The following MAP4K4 variants were observed in gnomAD, a reference collection of about 807,000 sequenced individuals.
The protein encoded by MAP4K4 is HPK/GCK-like kinase HGK.
MAP4K4 carries 38 observed loss-of-function variants against 189.6 expected under a neutral mutation model. That is an observed-to-expected ratio of 0.20 (90% confidence interval 0.15 to 0.26). The LOEUF is 0.26. Ranked by LOEUF, MAP4K4 falls within the 10% of genes least tolerant of loss-of-function variation. The pLI is 1.00. For missense variants in MAP4K4, 1,054 were observed against 1,726.9 expected, an observed-to-expected ratio of 0.61 and a Z score of 6.91; for synonymous variants, 610 against 624.3, an observed-to-expected ratio of 0.98 and a Z score of 0.34.
chr2:101,816,774 T>C (rs2095750529), intron 3 of MAP4K4, among the ~76,000 whole-genome samples: 2 of 152,130 alleles, frequency 1.3e-5, no homozygotes, highest in Admixed American at 1.3e-4. Context: ...ACTGACCCAG[T>C]TGAAGGCAGT....
At chr2:101,861,741 A>C (rs564907327) in intron 16 of MAP4K4, 1 of 152,222 alleles carries the variant, frequency 6.6e-6, no homozygotes, top group Non-Finnish European at 1.5e-5. Flanking sequence ...AGAGATCCTT[A>C]AAATGCCGAT....
At chr2:101,735,607 G>T (rs144161742) in intron 2 of MAP4K4, among the ~76,000 whole-genome samples, 331 of 152,266 alleles carry the variant, frequency 2.2e-3, no homozygotes, top group African/African-American at 7.6e-3. Context: ...GTGGGCTGGG[G>T]CCTGCCCATG....
intron 5 of MAP4K4, among the ~76,000 whole-genome samples, chr2:101,829,157 G>T (rs2096500535): frequency 1.3e-5 from 2 of 152,134 alleles, no homozygotes; most frequent in Non-Finnish European, 1.5e-5. Flanking sequence ...TCACCCTCTA[G>T]ACATTTAGCG....
chr2:101,820,252 A>G (rs80195150), intron 3 of MAP4K4, among the ~76,000 whole-genome samples: 9,091 of 152,256 alleles, frequency 0.06, 322 homozygotes, highest in African/African-American at 0.094. Context: ...AGTGAAAGCT[A>G]CTGGCAGAGT....
intron 2 of MAP4K4, among the ~76,000 whole-genome samples, chr2:101,731,929 C>T (rs1435284856): frequency 1.3e-5 from 2 of 152,004 alleles, no homozygotes; most frequent in East Asian, 3.8e-4. Context: ...TTTCTCTTTT[C>T]AGAAATAACT....
rs2149086915 is a variant in MAP4K4 at position 101,698,272 on chromosome 2, T to G, written c.57+135T>G. ...GGGCGCGGCGGCCCCTTTGTCTTCC[T>G]GTGCGGGCTGGTGCGGGGCGGGCGC... On this transcript the variant is annotated intron_variant, in intron 1 of 32. Coordinates refer to ENST00000324219, the Ensembl canonical transcript of MAP4K4. 9.2e-6 allele frequency: 4 copies of G among 435,356 alleles called. No homozygotes were observed. In the South Asian group the frequency reaches 2.1e-4, roughly 22 times the overall value. The allele number at this position is 435,356 out of a possible 1,614,324, so 27.0% of individuals were successfully genotyped here.
At position 101,888,938 on chromosome 2, in the gene MAP4K4, A is replaced by G; in HGVS notation, c.4071+3A>G. On this transcript the variant is annotated splice_donor_region_variant and intron_variant, in intron 32 of 32. Transcript: ENST00000324219. ...TCTTGTGTGAACGCAATGACAAGGT[A>G]ATAGTTCCCTTATGGATTCTTTTTA... The G allele has an allele frequency of 6.2e-7, 1 of 1,609,220 alleles. No homozygotes were observed. The highest frequency in any genetic ancestry group is 1.1e-5 in the South Asian group (1 of 89,940).
At chr2:101,839,521 A>G (rs1043478015) in intron 9 of MAP4K4, among the ~76,000 whole-genome samples, 1 of 152,164 alleles carries the variant, frequency 6.6e-6, no homozygotes, top group Admixed American at 6.5e-5. Flanking sequence ...TAATTAAGTG[A>G]TTAATGTGCA....
intron 2 of MAP4K4, among the ~76,000 whole-genome samples, chr2:101,705,256 A>C (rs1000749595): frequency 6.6e-6 from 1 of 152,200 alleles, no homozygotes; most frequent in Admixed American, 6.5e-5. Flanking sequence ...TGAGAGTTAG[A>C]TACACAGTGG....
At chr2:101,737,796 C>G (rs2061070598) in intron 2 of MAP4K4, among the ~76,000 whole-genome samples, 1 of 152,034 alleles carries the variant, frequency 6.6e-6, no homozygotes, top group African/African-American at 2.4e-5. Context: ...GGTCCAGATT[C>G]TGCCTTTTCT....
chr2:101,859,591 G>C, intron 14 of MAP4K4, 52 bp from the exon 15 acceptor site: 2 of 1,335,734 alleles, frequency 1.5e-6, no homozygotes, highest in Non-Finnish European at 2.1e-6. Context: ...CCAGAGAAGA[G>C]GCGAGCTCTC....
intron 9 of MAP4K4, among the ~76,000 whole-genome samples, chr2:101,837,761 T>A (rs1441161096): frequency 6.6e-6 from 1 of 152,216 alleles, no homozygotes; most frequent in Non-Finnish European, 1.5e-5. Context: ...AAGTTAATGC[T>A]GTCTTCAGGG....
intron 2 of MAP4K4, among the ~76,000 whole-genome samples, chr2:101,772,694 A>G (rs1275037320): frequency 6.6e-6 from 1 of 152,226 alleles, no homozygotes. Flanking sequence ...TGGCATTCAC[A>G]TTGCAAAGTG....
At chr2:101,704,541 G>GTA (rs1332013927) in intron 2 of MAP4K4, among the ~76,000 whole-genome samples, 52 of 80,470 alleles carry the variant, frequency 6.5e-4, no homozygotes, top group Non-Finnish European at 9.2e-4. Context: ...GTGTGTGTGT[G>GTA]TATATATATA....
intron 18 of MAP4K4, among the ~76,000 whole-genome samples, chr2:101,865,883 C>G (rs1413305203): frequency 1.3e-5 from 2 of 152,176 alleles, no homozygotes; most frequent in African/African-American, 4.8e-5. Flanking sequence ...TCTTCCCTGA[C>G]CAAGTCTGTG....
intron 3 of MAP4K4, among the ~76,000 whole-genome samples, chr2:101,800,103 T>C (rs920137592): frequency 4.0e-5 from 6 of 149,026 alleles, no homozygotes; most frequent in African/African-American, 1.5e-4. Flanking sequence ...AAAAGGCAGT[T>C]CTTGTTGTTC....
chr2:101,722,374 A>T (rs2052660872), intron 2 of MAP4K4, among the ~76,000 whole-genome samples: 2 of 152,146 alleles, frequency 1.3e-5, no homozygotes. Flanking sequence ...GTGAATTTGA[A>T]AGTTTTTGTG....
intron 26 of MAP4K4, 52 bp downstream of exon 26, chr2:101,874,304 C>T (rs2098135044): frequency 4.0e-6 from 6 of 1,515,686 alleles, no homozygotes; most frequent in Non-Finnish European, 5.4e-6. Flanking sequence ...TGAGTGGTGG[C>T]TGGTCTTCTA....
At chr2:101,881,859 T>TA (rs2098401372) in intron 27 of MAP4K4, among the ~76,000 whole-genome samples, 2 of 146,376 alleles carry the variant, frequency 1.4e-5, no homozygotes, top group Non-Finnish European at 1.5e-5. Context: ...TTGTTGCTTG[T>TA]AGCTGTAGTC....
Sources: gnomAD v4.1 joint callset for allele counts (sites outside exome capture counted in the v4.1 genomes callset) on GRCh38, gnomAD v4.1.1 for gene constraint, MANE v1.5 for transcripts, NCBI Gene and HGNC (gene_info 2026-07-23, HGNC 2026-07-21) for gene names.